Variants in CADPS observed in about 807,000 individuals in gnomAD.
CADPS encodes calcium dependent secretion activator.
Under a neutral mutation model 167.3 loss-of-function variants are expected in CADPS, and 57 were observed. That is an observed-to-expected ratio of 0.34 (90% CI 0.28 to 0.42). CADPS has a LOEUF of 0.42. Ranked by LOEUF, CADPS falls within the 20% of genes least tolerant of loss-of-function variation. CADPS has a pLI of 1.00. For synonymous variants in CADPS, 676 were observed against 635.3 expected (o/e 1.06, Z -0.96); for missense variants, 1,414 against 1,738.1 (o/e 0.81, Z 3.32).
At chr3:62,855,316 T>G (rs1420283481) in intron 1 of CADPS, among the ~76,000 whole-genome samples, 1 of 151,956 alleles carries the variant, frequency 6.6e-6, no homozygotes, top group Non-Finnish European at 1.5e-5. Context: ...TGGATTCCTC[T>G]CTCTTAAGAC....
At chr3:62,697,026 C>A (rs2367320) in intron 3 of CADPS, among the ~76,000 whole-genome samples, 1 of 151,938 alleles carries the variant, frequency 6.6e-6, no homozygotes, top group Non-Finnish European at 1.5e-5. Context: ...CAAATATATC[C>A]GCTTTGGAGA....
At chr3:62,789,647 G>T (rs2092762728) in intron 1 of CADPS, among the ~76,000 whole-genome samples, 2 of 152,308 alleles carry the variant, frequency 1.3e-5, no homozygotes, top group African/African-American at 4.8e-5. Flanking sequence ...ACGTTCCAGA[G>T]ATATTCAACA....
At chr3:62,414,209 CAG>C (rs1405695366) in intron 28 of CADPS, among the ~76,000 whole-genome samples, 1 of 152,166 alleles carries the variant, frequency 6.6e-6, no homozygotes, top group Non-Finnish European at 1.5e-5. Context: ...TATGTTTTCA[CAG>C]AGACTCCCCT....
intron 3 of CADPS, among the ~76,000 whole-genome samples, chr3:62,723,685 G>C (rs9874725): frequency 0.15 from 22,588 of 152,214 alleles, 2,105 homozygotes; most frequent in African/African-American, 0.27. Flanking sequence ...TTATTGGGGA[G>C]TGTGTCTGAG....
intron 28 of CADPS, among the ~76,000 whole-genome samples, chr3:62,407,157 C>A (rs1708812073): frequency 6.6e-6 from 1 of 152,134 alleles, no homozygotes; most frequent in African/African-American, 2.4e-5. Context: ...TCATCATCAT[C>A]ATCATCATCT....
intron 28 of CADPS, among the ~76,000 whole-genome samples, chr3:62,405,576 T>C (rs1389726882): frequency 2.0e-5 from 3 of 151,974 alleles, no homozygotes; most frequent in African/African-American, 7.3e-5. Flanking sequence ...TAGGAGACTA[T>C]CAACAATCTT....
intron 7 of CADPS, among the ~76,000 whole-genome samples, chr3:62,587,289 A>G (rs557874617): frequency 8.5e-5 from 13 of 152,362 alleles, no homozygotes; most frequent in Admixed American, 2.6e-4. Flanking sequence ...GAACTGCAAC[A>G]TATCATAGGA....
At chr3:62,413,540 T>C (rs921262795) in intron 28 of CADPS, among the ~76,000 whole-genome samples, 1 of 152,198 alleles carries the variant, frequency 6.6e-6, no homozygotes, top group Non-Finnish European at 1.5e-5. Flanking sequence ...ATAAAAACTG[T>C]ATGATTCCAC....
At chr3:62,626,658 C>T (rs2064149234) in intron 6 of CADPS, 6 of 684,280 alleles carry the variant, frequency 8.8e-6, no homozygotes, top group African/African-American at 1.8e-5. Flanking sequence ...ATTTTGTTGA[C>T]GTTTGGAGTT....
chr3:62,583,012 C>T (rs1280835210), intron 8 of CADPS, among the ~76,000 whole-genome samples: 1 of 152,138 alleles, frequency 6.6e-6, no homozygotes, highest in Non-Finnish European at 1.5e-5. Flanking sequence ...ACTCCTAGTA[C>T]AGTGCTTCAG....
In CADPS at chr3:62,861,083, G is replaced by A. The variant is rs1000208766; in HGVS notation, c.441+13506C>T. On this transcript the variant is annotated intron_variant, in intron 1 of 29. Coordinates refer to ENST00000383710, the MANE Select transcript of CADPS (RefSeq NM_003716.4). ...TTCTATGGGCTTGACATAAACCTGG[G>A]TTTATTGTGGGGTTTATGCTTTCTT... Among the ~76,000 whole-genome samples the A allele has an allele frequency of 2.6e-5, 4 of 152,234 alleles. No homozygotes were observed. The South Asian group carries it at 8.3e-4, about 32-fold the overall frequency.
intron 9 of CADPS, among the ~76,000 whole-genome samples, chr3:62,566,727 T>C (rs1196885396): frequency 6.6e-6 from 1 of 152,210 alleles, no homozygotes; most frequent in African/African-American, 2.4e-5. Flanking sequence ...TCCCCCATTA[T>C]CTTTGTGATG....
chr3:62,567,619 G>T (rs963155320), intron 9 of CADPS, among the ~76,000 whole-genome samples: 1 of 130,344 alleles, frequency 7.7e-6, no homozygotes, highest in Non-Finnish European at 1.6e-5. Flanking sequence ...CTGTCTCCCA[G>T]GCTGGAATGC....
In CADPS at chr3:62,813,152, G is replaced by A. The variant is rs368546437; in HGVS notation, c.442-47168C>T. Among the ~76,000 whole-genome samples the A allele has an allele frequency of 3.3e-5, 5 of 151,872 alleles. No individual in the cohort carries two copies. The South Asian group carries it at 1.0e-3, about 32-fold the overall frequency. On this transcript the variant is annotated intron_variant, in intron 1 of 29. Transcript: ENST00000383710. The stretch of plus-strand genomic sequence containing the variant: ...TTGGAATCAAAAAAGGGCCCAAATA[G>A]CCAAAGCAATACTAAGCAAAAAGAG...
In CADPS at chr3:62,801,879, T is replaced by C. The variant is rs369110635; in HGVS notation, c.442-35895A>G. Among the ~76,000 whole-genome samples, 49 of 152,332 alleles carry C rather than the reference T, an allele frequency of 3.2e-4. No individual in the cohort carries two copies. In the East Asian group the frequency reaches 5.2e-3, roughly 16 times the overall value. On this transcript the variant is annotated intron_variant, in intron 1 of 29. Transcript: ENST00000383710. Reference sequence around the variant, plus strand: ...TATGTTCTTTCTACTGTTGTAATCATTGAGCCTGTCTAGATTTTCCTGAAT... The same window carrying C: ...TATGTTCTTTCTACTGTTGTAATCACTGAGCCTGTCTAGATTTTCCTGAAT...
At chr3:62,491,771 A>AT (rs142922119) in intron 20 of CADPS, among the ~76,000 whole-genome samples, 3,879 of 151,356 alleles carry the variant, frequency 0.026, 166 homozygotes, top group African/African-American at 0.087. Context: ...AATCCACACT[A>AT]TTTTTTTTTC....
intron 3 of CADPS, among the ~76,000 whole-genome samples, chr3:62,735,621 T>C (rs953198456): frequency 2.0e-5 from 3 of 152,100 alleles, no homozygotes; most frequent in Non-Finnish European, 4.4e-5. Context: ...ACCCAGTACA[T>C]AGCTGCCCAG....
Position 62,417,971 on chromosome 3 carries a change from C to A in CADPS, c.3778-14786G>T, listed in dbSNP as rs1378961398. Among the ~76,000 whole-genome samples, 4 of 151,876 alleles carry A rather than the reference C, an allele frequency of 2.6e-5. No homozygotes were observed. The South Asian group carries it at 6.2e-4, about 24-fold the overall frequency. ...CTAGAACCCAGGAATTTAAGGCCAG[C>A]CTGGGCAACAAGTGAGATCCTAGTA... On this transcript the variant is annotated intron_variant, in intron 28 of 29. Transcript: ENST00000383710.
chr3:62,689,642 T>C (rs2078735398), intron 3 of CADPS, among the ~76,000 whole-genome samples: 1 of 152,066 alleles, frequency 6.6e-6, no homozygotes, highest in Non-Finnish European at 1.5e-5. Flanking sequence ...GTATAACCCT[T>C]TGGACGCAAA....
Sources: gnomAD v4.1 joint callset for allele counts (sites outside exome capture counted in the v4.1 genomes callset) on GRCh38, gnomAD v4.1.1 for gene constraint, MANE v1.5 for transcripts, NCBI Gene and HGNC (gene_info 2026-07-23, HGNC 2026-07-21) for gene names.